The following EFCAB6 variants were observed in gnomAD, a reference collection of about 807,000 sequenced individuals.
EFCAB6 encodes the protein EF-hand calcium binding domain 6.
A neutral mutation model predicts 169.8 loss-of-function variants in EFCAB6; 156 were observed. That is an observed-to-expected ratio of 0.92 (90% CI 0.81 to 1.05). EFCAB6 has a LOEUF of 1.05. Among genes scored for constraint, EFCAB6 ranks in the 50% least tolerant of loss-of-function variants. The pLI is 0.00. For missense variants in EFCAB6, 1,800 were observed against 1,829.1 expected, an observed-to-expected ratio of 0.98 and a Z score of 0.29; for synonymous variants, 698 against 676.4, an observed-to-expected ratio of 1.03 and a Z score of -0.50.
At chr22:43,606,580 A>T (rs1335628767) in intron 22 of EFCAB6, among the ~76,000 whole-genome samples, 1 of 152,224 alleles carries the variant, frequency 6.6e-6, no homozygotes, top group Non-Finnish European at 1.5e-5. Context: ...TATATGGCAC[A>T]GAGAAGCTAA....
intron 2 of EFCAB6, among the ~76,000 whole-genome samples, chr22:43,783,831 G>A (rs192030770): frequency 2.2e-3 from 336 of 152,270 alleles, no homozygotes; most frequent in African/African-American, 7.8e-3. Flanking sequence ...GCTGAGGCAG[G>A]AAGTTCAAGA....
At chr22:43,682,874 A>C (rs1231772329) in intron 12 of EFCAB6, among the ~76,000 whole-genome samples, 1 of 152,228 alleles carries the variant, frequency 6.6e-6, no homozygotes, top group Non-Finnish European at 1.5e-5. Flanking sequence ...TCCTGAATCC[A>C]CACTGTGCTC....
chr22:43,539,990 T>C (rs972441030), intron 28 of EFCAB6, 137 bp downstream of exon 28: 7 of 889,576 alleles, frequency 7.9e-6, no homozygotes, highest in Non-Finnish European at 1.2e-5. Flanking sequence ...GATCCTTGCA[T>C]GTGCCCCCAC....
At chr22:43,583,517 A>C (rs1285541181) in intron 24 of EFCAB6, among the ~76,000 whole-genome samples, 1 of 152,100 alleles carries the variant, frequency 6.6e-6, no homozygotes, top group Non-Finnish European at 1.5e-5. Flanking sequence ...AAAATCATAG[A>C]TATGAAACAA....
chr22:43,806,671 A>G (rs1255506618), intron 2 of EFCAB6, among the ~76,000 whole-genome samples: 2 of 152,190 alleles, frequency 1.3e-5, no homozygotes, highest in Non-Finnish European at 2.9e-5. Flanking sequence ...CTCCCAACAC[A>G]CCACGTAGTT....
intron 10 of EFCAB6, among the ~76,000 whole-genome samples, chr22:43,709,813 G>C (rs1385919199): frequency 6.6e-6 from 1 of 152,268 alleles, no homozygotes; most frequent in Middle Eastern, 3.4e-3. Flanking sequence ...CAGAACAAAA[G>C]AGCTGTTTTC....
At chr22:43,800,583 C>T (rs939771549) in intron 2 of EFCAB6, among the ~76,000 whole-genome samples, 5 of 152,058 alleles carry the variant, frequency 3.3e-5, no homozygotes, top group African/African-American at 9.7e-5. Flanking sequence ...CAAGATAACA[C>T]AGAAAATCAA....
chr22:43,812,155 A>C lies in EFCAB6; in HGVS notation c.-145+13T>G, dbSNP rs536578462. The C allele has an allele frequency of 6.8e-6, 1 of 146,456 alleles. No individual in the cohort carries two copies. Among genetic ancestry groups the C allele is most frequent in the South Asian group, 2.4e-4 (1 of 4,190 alleles). The allele number at this position is 146,456 out of a possible 1,614,324, so 9.1% of individuals were successfully genotyped here. On this transcript the variant is annotated intron_variant, in intron 1 of 31. Coordinates refer to ENST00000262726, the MANE Select transcript of EFCAB6 (RefSeq NM_022785.4). ...CTGTCGCACGCGCGTGGCCACCCCG[A>C]ATACAGCCTTACCGGGAACCCCTCC... is the stretch of plus-strand genomic sequence containing the variant.
At chr22:43,579,143 C>A (rs535846820) in intron 25 of EFCAB6, among the ~76,000 whole-genome samples, 1 of 150,558 alleles carries the variant, frequency 6.6e-6, no homozygotes, top group African/African-American at 2.5e-5. Context: ...TCATTCTGTA[C>A]ACGTAGGCAT....
At chr22:43,651,807 C>T (rs1257601278) in intron 17 of EFCAB6, among the ~76,000 whole-genome samples, 1 of 152,234 alleles carries the variant, frequency 6.6e-6, no homozygotes, top group Non-Finnish European at 1.5e-5. Context: ...CATTTTAGAG[C>T]TTTAAGATTT....
chr22:43,584,053 T>A (rs2050899309), intron 24 of EFCAB6, among the ~76,000 whole-genome samples: 1 of 152,192 alleles, frequency 6.6e-6, no homozygotes, highest in Non-Finnish European at 1.5e-5. Context: ...TAAAATGGTA[T>A]TTAATAGTTT....
Position 43,590,102 on chromosome 22 carries a change from C to T in EFCAB6, c.3004G>A (p.Glu1002Lys), listed in dbSNP as rs780201437. 66 of 1,613,870 alleles carry T rather than the reference C, an allele frequency of 4.1e-5. No homozygotes were observed. The highest frequency in any genetic ancestry group is 5.4e-5 in the Non-Finnish European group (64 of 1,179,944). The change falls in exon 24 of 32, where the codon GAA becomes AAA. Residue 1002 changes from glutamate (E) to lysine (K), a missense_variant. Transcript: ENST00000262726. ...TTTAGCAGATGGGTCAGCTCCCCTT[C>T]GGTAAGAGAACATCCACATTCTTCC... ...VLEECGCSLT[E>K]GELTHLLNSW...
chr22:43,722,973 T>C (rs545244238), intron 8 of EFCAB6, among the ~76,000 whole-genome samples: 1 of 152,352 alleles, frequency 6.6e-6, no homozygotes, highest in South Asian at 2.1e-4. Context: ...AAACACTGCA[T>C]GTTCTCTCTT....
chr22:43,597,852 A>C (rs1053242410), intron 23 of EFCAB6, among the ~76,000 whole-genome samples: 35 of 152,364 alleles, frequency 2.3e-4, no homozygotes, highest in Non-Finnish European at 4.3e-4. Context: ...AGATTAATAA[A>C]GAAAATGTGG....
intron 26 of EFCAB6, among the ~76,000 whole-genome samples, chr22:43,560,233 A>C (rs1353964314): frequency 6.6e-6 from 1 of 152,228 alleles, no homozygotes; most frequent in Non-Finnish European, 1.5e-5. Flanking sequence ...ATCATTAGAC[A>C]TATTGATATC....
intron 17 of EFCAB6, among the ~76,000 whole-genome samples, chr22:43,659,957 C>T (rs1308567640): frequency 6.6e-6 from 1 of 152,110 alleles, no homozygotes; most frequent in African/African-American, 2.4e-5. Flanking sequence ...TTCCAGACTC[C>T]AGCTCCCTAC....
At chr22:43,593,094 A>G (rs2051691809) in intron 23 of EFCAB6, among the ~76,000 whole-genome samples, 1 of 151,994 alleles carries the variant, frequency 6.6e-6, no homozygotes, top group Non-Finnish European at 1.5e-5. Flanking sequence ...AAAACATTGA[A>G]TCTTCATTGG....
chr22:43,757,300 C>A (rs1168731758), intron 5 of EFCAB6, among the ~76,000 whole-genome samples: 1 of 152,212 alleles, frequency 6.6e-6, no homozygotes. Context: ...GTAATCCCAG[C>A]ACTTTGGGAG....
chr22:43,678,329 C>CCGTGTGTG (rs2057860915), intron 12 of EFCAB6, among the ~76,000 whole-genome samples, 166 bp from the exon 13 acceptor site: 1 of 144,262 alleles, frequency 6.9e-6, no homozygotes, highest in South Asian at 2.3e-4. Flanking sequence ...AACATGAGCA[C>CCGTGTGTG]TGTGTGTGTG....
Sources: allele counts gnomAD v4.1 joint callset (sites outside exome capture counted in the v4.1 genomes callset), GRCh38; gene constraint gnomAD v4.1.1; transcripts MANE v1.5; gene names NCBI Gene and HGNC (gene_info 2026-07-23, HGNC 2026-07-21).